The following ROCK2 variants were observed in gnomAD, a reference collection of about 807,000 sequenced individuals.
ROCK2 encodes Rho associated coiled-coil containing protein kinase 2.
In ROCK2, 61 loss-of-function variants were observed where a neutral mutation model predicts 195.1. The ratio of observed to expected loss-of-function variants is 0.31; its 90% CI spans 0.25 to 0.39. The LOEUF (loss-of-function observed/expected upper bound fraction) is 0.39. ROCK2 is among the 10% of genes least tolerant of loss of function. The probability of loss-of-function intolerance (pLI) is 1.00; values close to 1 mark genes in which losing one functional copy is unlikely to be tolerated. For synonymous variants in ROCK2, 504 were observed against 545.5 expected (o/e 0.92, Z 1.06); for missense variants, 1,109 against 1,637.4 (o/e 0.68, Z 5.57).
chr2:11,281,538 G>A (rs1037362005), intron 3 of ROCK2, among the ~76,000 whole-genome samples: 1 of 152,044 alleles, frequency 6.6e-6, no homozygotes, highest in African/African-American at 2.4e-5. Context: ...ATACACAAAA[G>A]TTCATTGCTT....
intron 6 of ROCK2, among the ~76,000 whole-genome samples, chr2:11,224,720 G>A (rs1664753794): frequency 7.0e-6 from 1 of 141,934 alleles, no homozygotes; most frequent in African/African-American, 2.6e-5. Flanking sequence ...AATTTGTTGA[G>A]TTTTTTTTTT....
intron 3 of ROCK2, among the ~76,000 whole-genome samples, chr2:11,259,785 G>A (rs1322556435): frequency 6.6e-6 from 1 of 150,750 alleles, no homozygotes; most frequent in Non-Finnish European, 1.5e-5. Flanking sequence ...AAATTTGAAG[G>A]ATTGATATAC....
chr2:11,216,461 A>G (rs1664430994), intron 12 of ROCK2, among the ~76,000 whole-genome samples: 1 of 150,930 alleles, frequency 6.6e-6, no homozygotes, highest in Admixed American at 6.6e-5. Flanking sequence ...TTGGGATTAC[A>G]GGCGTGAGTC....
In ROCK2 at chr2:11,192,019, T is replaced by A; in HGVS notation, c.4163+129A>T. On this transcript the variant is annotated intron_variant, in intron 32 of 32. Coordinates refer to ENST00000315872, the MANE Select transcript of ROCK2 (RefSeq NM_004850.5). The surrounding 1 kb of genome is among the most constrained non-coding windows in gnomAD (Gnocchi z 5.0). ...ATGCACATTAAGACAGTTCCAACATTTGGTATTCCATAGTTAACTAAAATA... is the reference window on the plus strand; with the variant it reads ...ATGCACATTAAGACAGTTCCAACATATGGTATTCCATAGTTAACTAAAATA... 1.6e-6 allele frequency: 1 copy of A among 642,362 alleles called. No individual in the cohort carries two copies. The highest frequency in any genetic ancestry group is 2.7e-6 in the Non-Finnish European group (1 of 374,102). 39.8% of individuals were successfully genotyped at this position (642,362 alleles called of 1,614,324 possible). A position where few individuals can be genotyped will look rare whatever the true frequency, so the allele number is the denominator to read the frequency against.
At chr2:11,237,426 A>G (rs911995102) in intron 4 of ROCK2, among the ~76,000 whole-genome samples, 5 of 152,224 alleles carry the variant, frequency 3.3e-5, no homozygotes, top group Non-Finnish European at 5.9e-5. Context: ...AGACTAGAAC[A>G]AAGGAATAGT....
intron 20 of ROCK2, among the ~76,000 whole-genome samples, chr2:11,203,541 A>T (rs1663941048): frequency 6.6e-6 from 1 of 152,178 alleles, no homozygotes; most frequent in Admixed American, 6.5e-5. Context: ...GGTATTTTTA[A>T]AAACTACAAT....
At chr2:11,327,587 G>T (rs900269562) in intron 1 of ROCK2, among the ~76,000 whole-genome samples, 2 of 152,136 alleles carry the variant, frequency 1.3e-5, no homozygotes, top group African/African-American at 4.8e-5. Flanking sequence ...GGCAGAGGGG[G>T]AGTCTCATTC....
intron 4 of ROCK2, among the ~76,000 whole-genome samples, chr2:11,245,622 G>C (rs1665586282): frequency 6.6e-6 from 1 of 152,096 alleles, no homozygotes; most frequent in Admixed American, 6.5e-5. Context: ...ATGTATAAAA[G>C]ACAGACCTAC....
chr2:11,223,282 A>T (rs1042687597), intron 7 of ROCK2, among the ~76,000 whole-genome samples: 2 of 152,200 alleles, frequency 1.3e-5, no homozygotes, highest in African/African-American at 4.8e-5. Context: ...CTTTGATGAA[A>T]AAAAGAAAAA....
chr2:11,200,152 C>T (rs962309100), intron 23 of ROCK2, among the ~76,000 whole-genome samples: 1 of 152,128 alleles, frequency 6.6e-6, no homozygotes, highest in African/African-American at 2.4e-5. Context: ...ATTCTTTAAT[C>T]TTATCTTACT....
At position 11,235,991 on chromosome 2, in the gene ROCK2, T is replaced by C; in HGVS notation, c.463-29A>G. 1 of 1,444,430 alleles carries C rather than the reference T, an allele frequency of 6.9e-7. No individual in the cohort carries two copies. The highest frequency in any genetic ancestry group is 9.1e-7 in the Non-Finnish European group (1 of 1,095,980). 89.5% of individuals were successfully genotyped at this position (1,444,430 alleles called of 1,614,324 possible). ...GAAAACAAAAGGAAAAGGAAAAATTTTTAAAAACCCAAACCAAAAATCATA... is the reference window on the plus strand; with the variant it reads ...GAAAACAAAAGGAAAAGGAAAAATTCTTAAAAACCCAAACCAAAAATCATA... On this transcript the variant is annotated intron_variant, in intron 4 of 32. Transcript: ENST00000315872. The surrounding 1 kb of genome is among the most constrained non-coding windows in gnomAD (Gnocchi z 4.2).
At chr2:11,279,675 C>G (rs1666936165) in intron 3 of ROCK2, among the ~76,000 whole-genome samples, 1 of 152,186 alleles carries the variant, frequency 6.6e-6, no homozygotes, top group Non-Finnish European at 1.5e-5. Flanking sequence ...TACCATCAAT[C>G]AACTGGATAT....
At position 11,295,989 on chromosome 2, in the gene ROCK2, A is replaced by AGAGAGAGAGG. The variant is rs1329784247; in HGVS notation, c.142-8254_142-8253insCCTCTCTCTC. Among the ~76,000 whole-genome samples, 67 of 23,454 alleles carry AGAGAGAGAGG rather than the reference A, an allele frequency of 2.9e-3. 3 individuals carry two copies. The highest frequency in any genetic ancestry group is 5.3e-3 in the Non-Finnish European group (48 of 9,016). 15.4% of individuals were successfully genotyped at this position (23,454 alleles called of 152,430 possible). A position where few individuals can be genotyped will look rare whatever the true frequency, so the allele number is the denominator to read the frequency against. On this transcript the variant is annotated intron_variant, in intron 1 of 32. Coordinates refer to ENST00000315872, the MANE Select transcript of ROCK2 (RefSeq NM_004850.5). ...AAAAGAGAGAGAGAGAGAGAGAGAG[A>AGAGAGAGAGG]GGAGAGAGAGAGAGAGGAGAGAGAG...
chr2:11,199,061 T>C (rs545370554), intron 23 of ROCK2, among the ~76,000 whole-genome samples: 147 of 151,836 alleles, frequency 9.7e-4, no homozygotes, highest in African/African-American at 3.0e-3. Flanking sequence ...CCACCACACC[T>C]GGCTAATTTT....
chr2:11,275,943 G>A (rs945430413), intron 3 of ROCK2, among the ~76,000 whole-genome samples: 10 of 151,898 alleles, frequency 6.6e-5, no homozygotes, highest in African/African-American at 2.4e-4. Context: ...CAGGTGATCC[G>A]CCCACCTCAG....
At chr2:11,222,722 C>G (rs963397341) in intron 7 of ROCK2, among the ~76,000 whole-genome samples, 1 of 151,930 alleles carries the variant, frequency 6.6e-6, no homozygotes, top group Non-Finnish European at 1.5e-5. Context: ...TTCTTTGACC[C>G]TCTGAGTCTT....
At chr2:11,220,478 A>C (rs1261828599) in intron 9 of ROCK2, among the ~76,000 whole-genome samples, 4 of 151,882 alleles carry the variant, frequency 2.6e-5, no homozygotes, top group Admixed American at 2.6e-4. Flanking sequence ...TACATCCAAT[A>C]CTCACTTCAG....
At chr2:11,233,635 A>T (rs1241791745) in intron 5 of ROCK2, among the ~76,000 whole-genome samples, 1 of 152,198 alleles carries the variant, frequency 6.6e-6, no homozygotes, top group African/African-American at 2.4e-5. Flanking sequence ...ATTGATAGAT[A>T]CTATGGAATA....
At chr2:11,208,641 AGGCCGGAGT>A (rs1664142194) in intron 18 of ROCK2, among the ~76,000 whole-genome samples, 194 bp from the exon 19 acceptor site, 1 of 141,190 alleles carries the variant, frequency 7.1e-6, no homozygotes, top group Admixed American at 7.7e-5. Flanking sequence ...TCTGTTGCCC[AGGCCGGAGT>A]GCAGTGACGC....
Sources: allele counts gnomAD v4.1 joint callset (sites outside exome capture counted in the v4.1 genomes callset), GRCh38; gene constraint gnomAD v4.1.1; non-coding constraint Gnocchi (gnomAD v3.1); transcripts MANE v1.5; gene names NCBI Gene and HGNC (gene_info 2026-07-23, HGNC 2026-07-21).